Variants in DEFB131A observed in about 807,000 individuals in gnomAD.
DEFB131A encodes defensin beta 131A.
DEFB131A carries 5 observed loss-of-function variants against 2.4 expected under a neutral mutation model. The ratio of observed to expected loss-of-function variants is 2.12; its 90% CI spans 1.11 to 4.47. The LOEUF (loss-of-function observed/expected upper bound fraction) is 4.47, where lower values mean the gene tolerates loss of function less well. Ranked by LOEUF, DEFB131A falls within the 30% of genes most tolerant of loss-of-function variation. The pLI, the probability that DEFB131A is intolerant of heterozygous loss-of-function variation, is 0.00. For missense variants in DEFB131A, 120 were observed against 79.9 expected, an observed-to-expected ratio of 1.50 and a Z score of -1.91; for synonymous variants, 34 against 25.7, an observed-to-expected ratio of 1.32 and a Z score of -0.97.
chr4:9,449,037 A>T (rs1381145560), intron 1 of DEFB131A, among the ~76,000 whole-genome samples: 1 of 152,004 alleles, frequency 6.6e-6, no homozygotes, highest in Non-Finnish European at 1.5e-5. Context: ...TTGTGTTTCT[A>T]TAGCACTAAC....
At chr4:9,448,311 G>T (rs538774256) in intron 1 of DEFB131A, among the ~76,000 whole-genome samples, 2 of 147,998 alleles carry the variant, frequency 1.4e-5, no homozygotes, top group East Asian at 2.0e-4. Flanking sequence ...TGTTATAAAA[G>T]AAAAAAAAAA....
chr4:9,444,581 A>C lies in DEFB131A; in HGVS notation c.48A>C (p.Thr16=), dbSNP rs750695514. The C allele has an allele frequency of 5.6e-5, 90 of 1,597,636 alleles. No individual in the cohort carries two copies. Among genetic ancestry groups the C allele is most frequent in the Non-Finnish European group, 7.6e-5 (89 of 1,173,898 alleles). ...TTGGAGTCCTTTCCTTGATGTTCACAGTTCCTCCAGGTAAGACAGAAACTT... is the reference window on the plus strand; with the variant it reads ...TTGGAGTCCTTTCCTTGATGTTCACCGTTCCTCCAGGTAAGACAGAAACTT... ...FVFGVLSLMF[T]VPPARSFISN... is the part of the protein sequence containing the mutation. Residue 16 remains threonine, a synonymous_variant, in exon 1 of 2, where the codon ACA becomes ACC. Coordinates refer to ENST00000334879, the MANE Select transcript of DEFB131A (RefSeq NM_001040448.3).
chr4:9,448,374 A>C (rs1442238959), intron 1 of DEFB131A, among the ~76,000 whole-genome samples: 2 of 151,934 alleles, frequency 1.3e-5, no homozygotes, highest in Non-Finnish European at 2.9e-5. Flanking sequence ...TTTTTTAGAC[A>C]GTCTCACTTT....
At chr4:9,448,753 A>G (rs993883404) in intron 1 of DEFB131A, among the ~76,000 whole-genome samples, 2 of 152,226 alleles carry the variant, frequency 1.3e-5, no homozygotes, top group Non-Finnish European at 2.9e-5. Flanking sequence ...TGAAAAACTA[A>G]AAGCTTTTCT....
chr4:9,444,877 G>A (rs753995079), intron 1 of DEFB131A, among the ~76,000 whole-genome samples: 1 of 149,768 alleles, frequency 6.7e-6, no homozygotes, highest in African/African-American at 2.5e-5. Context: ...GACCGACCTG[G>A]TGGGGGCAAC....
chr4:9,446,505 G>A (rs1027775816), intron 1 of DEFB131A, among the ~76,000 whole-genome samples: 2 of 151,990 alleles, frequency 1.3e-5, no homozygotes, highest in Non-Finnish European at 2.9e-5. Context: ...AGTCTAGCTA[G>A]CAGTTTATAA....
intron 1 of DEFB131A, among the ~76,000 whole-genome samples, chr4:9,449,119 A>G (rs1385318252): frequency 6.6e-6 from 1 of 151,620 alleles, no homozygotes; most frequent in East Asian, 1.9e-4. Flanking sequence ...ACTTAAGAAT[A>G]AACTTAACAA....
intron 1 of DEFB131A, among the ~76,000 whole-genome samples, chr4:9,447,510 T>C (rs148744816): frequency 2.0e-5 from 3 of 152,090 alleles, no homozygotes; most frequent in Admixed American, 2.0e-4. Context: ...TTCTGGAAGT[T>C]ATAATTCTAA....
chr4:9,448,170 CAAA>C (rs60855138), intron 1 of DEFB131A, among the ~76,000 whole-genome samples: 3,327 of 144,282 alleles, frequency 0.023, 66 homozygotes, highest in African/African-American at 0.077. Context: ...AAATCAAAGA[CAAA>C]AAAAAAAAAA....
At chr4:9,449,730 C>A (rs557954580) in intron 1 of DEFB131A, among the ~76,000 whole-genome samples, 1 of 152,006 alleles carries the variant, frequency 6.6e-6, no homozygotes, top group African/African-American at 2.4e-5. Flanking sequence ...GTTATAGGCT[C>A]CTGTGCATAT....
chr4:9,447,825 G>A (rs1168816779), intron 1 of DEFB131A, among the ~76,000 whole-genome samples: 1 of 152,046 alleles, frequency 6.6e-6, no homozygotes, highest in African/African-American at 2.4e-5. Flanking sequence ...CCATAACGAT[G>A]AATTCCTCAG....
Position 9,450,435 on chromosome 4 carries a change from A to G in DEFB131A, c.134A>G (p.His45Arg). 1 of 1,610,416 alleles carries G rather than the reference A, an allele frequency of 6.2e-7. No individual in the cohort carries two copies. The change falls in exon 2 of 2, where the codon CAT becomes CGT. Residue 45 changes from histidine (H) to arginine (R), a missense_variant. Coordinates refer to ENST00000334879, the MANE Select transcript of DEFB131A (RefSeq NM_001040448.3). ...HCRLKCNADEHAIRYCADFSI... is the reference protein window; with the variant it reads ...HCRLKCNADERAIRYCADFSI... ...AGACTGAAGTGCAATGCTGATGAAC[A>G]TGCAATTAGATACTGTGCTGACTTC...
chr4:9,449,968 T>A (rs1330985198), intron 1 of DEFB131A, among the ~76,000 whole-genome samples: 4 of 152,186 alleles, frequency 2.6e-5, no homozygotes, highest in Non-Finnish European at 5.9e-5. Context: ...ACTCTCTGAT[T>A]CAAGGCCAAC....
At chr4:9,447,283 A>G (rs1717527744) in intron 1 of DEFB131A, among the ~76,000 whole-genome samples, 1 of 152,146 alleles carries the variant, frequency 6.6e-6, no homozygotes, top group African/African-American at 2.4e-5. Context: ...TGGTACATAT[A>G]TATACATATT....
At chr4:9,449,218 C>T (rs1310259488) in intron 1 of DEFB131A, among the ~76,000 whole-genome samples, 1 of 149,840 alleles carries the variant, frequency 6.7e-6, no homozygotes, top group African/African-American at 2.5e-5. Flanking sequence ...ATCCTATGTT[C>T]ATGAATTGGA....
chr4:9,446,400 C>A (rs921816049), intron 1 of DEFB131A, among the ~76,000 whole-genome samples: 2 of 152,062 alleles, frequency 1.3e-5, no homozygotes, highest in African/African-American at 4.8e-5. Context: ...TTATAACAGA[C>A]TAATGATCCA....
intron 1 of DEFB131A, among the ~76,000 whole-genome samples, chr4:9,445,256 A>G (rs576750773): frequency 1.5e-4 from 23 of 152,206 alleles, no homozygotes; most frequent in African/African-American, 5.3e-4. Context: ...TCCTTGGTTC[A>G]CAGGATAAAT....
At chr4:9,450,076 C>T (rs1471461107) in intron 1 of DEFB131A, among the ~76,000 whole-genome samples, 1 of 152,140 alleles carries the variant, frequency 6.6e-6, no homozygotes, top group African/African-American at 2.4e-5. Flanking sequence ...TCTACACCAC[C>T]CCCAAGCTGG....
At chr4:9,446,443 CTGTTT>C (rs1380232334) in intron 1 of DEFB131A, among the ~76,000 whole-genome samples, 1 of 152,022 alleles carries the variant, frequency 6.6e-6, no homozygotes, top group African/African-American at 2.4e-5. Context: ...GTAATGTCTC[CTGTTT>C]TATTTCCGAT....
Sources: allele counts gnomAD v4.1 joint callset (sites outside exome capture counted in the v4.1 genomes callset), GRCh38; gene constraint gnomAD v4.1.1; transcripts MANE v1.5; gene names NCBI Gene and HGNC (gene_info 2026-07-23, HGNC 2026-07-21).